Variants in PCDHGA2 observed in about 807,000 individuals in gnomAD.
PCDHGA2 encodes protocadherin gamma subfamily A, 2.
A neutral mutation model predicts 59.2 loss-of-function variants in PCDHGA2; 40 were observed. The ratio of observed to expected loss-of-function variants is 0.68; its 90% CI spans 0.52 to 0.88. PCDHGA2 has a LOEUF of 0.88. Ranked by LOEUF, PCDHGA2 falls within the 40% of genes least tolerant of loss-of-function variation. The pLI is 0.00. For missense variants in PCDHGA2, 1,226 were observed against 1,204.0 expected (o/e 1.02, Z -0.27); for synonymous variants, 560 against 526.0 (o/e 1.06, Z -0.89).
chr5:141,363,088 T>C (rs1762804335), intron 1 of PCDHGA2, among the ~76,000 whole-genome samples: 1 of 152,248 alleles, frequency 6.6e-6, no homozygotes, highest in Non-Finnish European at 1.5e-5. Context: ...AATGTATTTC[T>C]AAAGGACAGG....
intron 1 of PCDHGA2, chr5:141,405,635 C>T (rs539370352): frequency 1.3e-4 from 69 of 526,234 alleles, no homozygotes; most frequent in Non-Finnish European, 1.9e-4. Context: ...CCACCACGCC[C>T]GGCTAATTTT....
At chr5:141,482,606 T>G (rs2099569173) in intron 1 of PCDHGA2, among the ~76,000 whole-genome samples, 1 of 146,712 alleles carries the variant, frequency 6.8e-6, no homozygotes, top group African/African-American at 2.6e-5. Context: ...AAAAAACACC[T>G]AAATGAGCCT....
At chr5:141,456,058 C>T (rs1488082918) in intron 1 of PCDHGA2, among the ~76,000 whole-genome samples, 3 of 151,880 alleles carry the variant, frequency 2.0e-5, no homozygotes, top group Admixed American at 6.6e-5. Context: ...CCACCACGTC[C>T]GGCTAATTTT....
chr5:141,357,564 C>G (rs373329089), intron 1 of PCDHGA2: 1 of 1,614,202 alleles, frequency 6.2e-7, no homozygotes, highest in Non-Finnish European at 8.5e-7. Context: ...GTGAGAAAAG[C>G]GAGCCTCTTC....
chr5:141,439,443 G>A (rs867907022), intron 1 of PCDHGA2, among the ~76,000 whole-genome samples: 1 of 152,164 alleles, frequency 6.6e-6, no homozygotes, highest in Non-Finnish European at 1.5e-5. Flanking sequence ...ATATTTTATT[G>A]CGGGAGCAAG....
At chr5:141,395,109 A>G (rs1181706209) in intron 1 of PCDHGA2, 1 of 1,614,092 alleles carries the variant, frequency 6.2e-7, no homozygotes, top group Admixed American at 1.7e-5. Context: ...CTCGCGGAAG[A>G]GTCACCTGAT....
intron 1 of PCDHGA2, chr5:141,478,533 C>G: frequency 6.2e-7 from 1 of 1,608,070 alleles, no homozygotes; most frequent in African/African-American, 1.3e-5. Context: ...GCAGAGAGCG[C>G]CCCTCCCGGA....
At chr5:141,455,842 C>T (rs1224197325) in intron 1 of PCDHGA2, among the ~76,000 whole-genome samples, 1 of 150,876 alleles carries the variant, frequency 6.6e-6, no homozygotes, top group Non-Finnish European at 1.5e-5. Context: ...TGTCTATCTG[C>T]ATAAAATAAT....
At chr5:141,399,363 G>A (rs773376480) in intron 1 of PCDHGA2, 5 of 1,613,910 alleles carry the variant, frequency 3.1e-6, no homozygotes, top group Non-Finnish European at 3.4e-6. Flanking sequence ...AGCAAACCCC[G>A]GAGTACAATG....
At chr5:141,405,355 A>G in intron 1 of PCDHGA2, 2 of 1,613,990 alleles carry the variant, frequency 1.2e-6, no homozygotes, top group South Asian at 1.1e-5. Flanking sequence ...AGTTTCCTAT[A>G]GAAGACACCC....
intron 1 of PCDHGA2, chr5:141,410,485 A>C (rs1277289074): frequency 6.2e-7 from 1 of 1,613,898 alleles, no homozygotes; most frequent in Admixed American, 1.7e-5. Context: ...ATACGGGTAC[A>C]AAAGAGTTTA....
intron 1 of PCDHGA2, chr5:141,422,845 G>A: frequency 6.2e-7 from 1 of 1,614,230 alleles, no homozygotes; most frequent in Non-Finnish European, 8.5e-7. Context: ...TGACAGCGGG[G>A]ACCCGCCCCT....
rs1195826961 is a variant in PCDHGA2, at chr5:141,350,170, G to A, written c.2424+8775G>A. The A allele has an allele frequency of 3.2e-6, 4 of 1,240,960 alleles. No individual in the cohort carries two copies. In the African/African-American group the frequency reaches 6.1e-5, roughly 19 times the overall value. The allele number at this position is 1,240,960 out of a possible 1,614,324, so 76.9% of individuals were successfully genotyped here. ...TCACCCTCGAGCGCCTAACTAATAA[G>A]TCCTAAGCTCAAATCACAGAAGTCC... is the stretch of plus-strand genomic sequence containing the variant. On this transcript the variant is annotated intron_variant, in intron 1 of 3. Coordinates refer to ENST00000394576, the MANE Select transcript of PCDHGA2 (RefSeq NM_018915.4).
At chr5:141,427,192 A>T (rs1191677237) in intron 1 of PCDHGA2, 1 of 456,566 alleles carries the variant, frequency 2.2e-6, no homozygotes. Context: ...AAATCCAAAG[A>T]CTTAATAGAC....
chr5:141,384,804 A>C (rs1780531756), intron 1 of PCDHGA2: 1 of 1,613,332 alleles, frequency 6.2e-7, no homozygotes, highest in Non-Finnish European at 8.5e-7. Flanking sequence ...TGCTGGACAG[A>C]GATGCCCTCA....
At chr5:141,422,847 C>T (rs1271794821) in intron 1 of PCDHGA2, 2 of 1,614,116 alleles carry the variant, frequency 1.2e-6, no homozygotes, top group Non-Finnish European at 1.7e-6. Context: ...ACAGCGGGGA[C>T]CCGCCCCTCA....
rs1245526846 is a variant in PCDHGA2, at chr5:141,512,505, C to T, written c.*1332C>T. ...GCCACTGCCCAGGTCCCCAGTGCGCCCCCTAGTGGCCATAGCCTGGTTAAA... is the reference window on the plus strand; with the variant it reads ...GCCACTGCCCAGGTCCCCAGTGCGCTCCCTAGTGGCCATAGCCTGGTTAAA... On this transcript the variant is annotated 3_prime_UTR_variant, in exon 4 of 4. Transcript: ENST00000394576. The T allele has an allele frequency of 1.3e-5, 2 of 152,888 alleles. No individual in the cohort carries two copies. The highest frequency in any genetic ancestry group is 4.8e-5 in the African/African-American group (2 of 41,466). 9.5% of individuals were successfully genotyped at this position (152,888 alleles called of 1,614,324 possible). A position where few individuals can be genotyped will look rare whatever the true frequency, so the allele number is the denominator to read the frequency against.
chr5:141,462,774 A>G (rs890366708), intron 1 of PCDHGA2, among the ~76,000 whole-genome samples: 1 of 152,126 alleles, frequency 6.6e-6, no homozygotes, highest in Admixed American at 6.6e-5. Context: ...GCTTGGGGTC[A>G]TAATTTGTTG....
rs775898365 is a variant in PCDHGA2 at position 141,476,425 on chromosome 5, T to C, written c.2425-18382T>C. On this transcript the variant is annotated intron_variant, in intron 1 of 3. Transcript: ENST00000394576. This position sits in a 1 kb window ranked among gnomAD's most constrained non-coding sequence, Gnocchi z 7.6. ...AGGAGCTGTGTGGGACACTGCCCTC[T>C]TGCACTGTAACTCTGGAGTTGGTAG... is the stretch of plus-strand genomic sequence containing the variant. The C allele has an allele frequency of 1.2e-6, 2 of 1,614,108 alleles. No homozygotes were observed. Among genetic ancestry groups the C allele is most frequent in the East Asian group, 4.5e-5 (2 of 44,848 alleles).
Sources: allele counts gnomAD v4.1 joint callset (sites outside exome capture counted in the v4.1 genomes callset), GRCh38; gene constraint gnomAD v4.1.1; non-coding constraint Gnocchi (gnomAD v3.1); transcripts MANE v1.5; gene names NCBI Gene and HGNC (gene_info 2026-07-23, HGNC 2026-07-21).